AIFM1: variants seen among roughly 807,000 people sequenced by gnomAD.
AIFM1 encodes apoptosis-inducing factor 1, mitochondrial.
A neutral mutation model predicts 51.7 loss-of-function variants in AIFM1; 3 were observed. The observed-to-expected ratio is 0.06, with a 90% CI of 0.03 to 0.15. The LOEUF (loss-of-function observed/expected upper bound fraction) is 0.15. AIFM1 is among the 10% of genes least tolerant of loss of function. AIFM1 has a pLI of 1.00. For missense variants in AIFM1, 330 were observed against 476.8 expected (o/e 0.69, Z 2.87); for synonymous variants, 178 against 179.4 (o/e 0.99, Z 0.06).
chrX:130,132,767 G>A (rs1285716553), intron 13 of AIFM1, among the ~76,000 whole-genome samples: 2 of 82,011 alleles, frequency 2.4e-5, no homozygotes, highest in Non-Finnish European at 4.4e-5. Flanking sequence ...TTTTTTTTGA[G>A]ACGGAGTCTC....
intron 6 of AIFM1, among the ~76,000 whole-genome samples, chrX:130,144,657 C>G (rs1173607005): frequency 8.9e-6 from 1 of 111,753 alleles, no homozygotes; most frequent in Non-Finnish European, 1.9e-5. Context: ...CTCTACTGGG[C>G]ACCCTTCCCA....
chrX:130,151,098 A>C (rs764198997), intron 2 of AIFM1, among the ~76,000 whole-genome samples: 12 of 109,581 alleles, frequency 1.1e-4, no homozygotes, highest in Admixed American at 8.7e-4. Context: ...GATTAATTGT[A>C]GGAGAAAGTA....
At chrX:130,138,062 C>CAA (rs752207106) in intron 9 of AIFM1, 14 of 39,929 alleles carry the variant, frequency 3.5e-4, no homozygotes, top group Non-Finnish European at 6.2e-4. Context: ...AACTCCATCT[C>CAA]AAAAAAAAAA....
rs724160023 is a variant in AIFM1, at chrX:130,131,756, C to T, written c.1492G>A (p.Val498Met). Residue 498 changes from valine (V) to methionine (M), a missense_variant, in exon 14 of 16, where the codon GTG becomes ATG. This residue lies in a region of AIFM1 where 152 missense variants were observed against 292.8 expected (regional missense o/e 0.52). Coordinates refer to ENST00000287295, the MANE Select transcript of AIFM1 (RefSeq NM_004208.4). The stretch of plus-strand genomic sequence containing the variant: ...CCAACTGTGGGCAAACTACTGTCCA[C>T]AAGACCAATAGCTTCATAGCCAACA... ...PDVGYEAIGL[V>M]DSSLPTVGVF... 2 of 1,211,903 alleles carry T rather than the reference C, an allele frequency of 1.7e-6. No individual in the cohort carries two copies. The highest frequency in any genetic ancestry group is 1.1e-6 in the Non-Finnish European group (1 of 895,395).
At chrX:130,143,696 C>A (rs866667266) in intron 6 of AIFM1, among the ~76,000 whole-genome samples, 7 of 99,832 alleles carry the variant, frequency 7.0e-5, no homozygotes, top group African/African-American at 3.6e-5. Context: ...ACTAAAAAGA[C>A]AAAAAAAAAA....
chrX:130,130,172 GCCAGC>G lies in AIFM1; in HGVS notation c.1574-11_1574-7del. 1 of 1,211,214 alleles carries G rather than the reference GCCAGC, an allele frequency of 8.3e-7. No individual in the cohort carries two copies. The highest frequency in any genetic ancestry group is 1.1e-6 in the Non-Finnish European group (1 of 895,053). ...CTCTGATCGGATACCAGTTCCTGTGGCCAGCCCCCAAAACAAATAAACATGGAAGC... is the reference window on the plus strand; with the variant it reads ...CTCTGATCGGATACCAGTTCCTGTGGCCCCAAAACAAATAAACATGGAAGC... On this transcript the variant is annotated splice_region_variant and splice_polypyrimidine_tract_variant and intron_variant, in intron 14 of 15. Transcript: ENST00000287295.
intron 1 of AIFM1, 88 bp from the exon 2 acceptor site, chrX:130,156,691 G>A: frequency 1.0e-6 from 1 of 996,335 alleles, no homozygotes; most frequent in South Asian, 1.9e-5. Flanking sequence ...CACTGTACAA[G>A]ACTTATTGCC....
At chrX:130,139,084 G>A (rs1052743208) in intron 8 of AIFM1, among the ~76,000 whole-genome samples, 16 of 110,695 alleles carry the variant, frequency 1.4e-4, no homozygotes, top group African/African-American at 5.3e-4. Context: ...CAATACTGCA[G>A]AGGCTGACAA....
intron 2 of AIFM1, among the ~76,000 whole-genome samples, chrX:130,151,992 T>C (rs1003394180): frequency 9.1e-6 from 1 of 109,823 alleles, no homozygotes; most frequent in Non-Finnish European, 1.9e-5. Flanking sequence ...TGAGCCGAGA[T>C]TGCACCACTG....
At chrX:130,159,209 A>C (rs920244258) in intron 1 of AIFM1, among the ~76,000 whole-genome samples, 4 of 111,695 alleles carry the variant, frequency 3.6e-5, no homozygotes, top group African/African-American at 1.3e-4. Flanking sequence ...TGAAAACTTG[A>C]TAGTCTTAAA....
intron 1 of AIFM1, among the ~76,000 whole-genome samples, chrX:130,158,640 GGAA>G (rs751487250): frequency 2.0e-5 from 2 of 102,256 alleles, no homozygotes; most frequent in Admixed American, 1.1e-4. Flanking sequence ...GAGCCACATG[GGAA>G]GAAGAAGAAT....
rs2124643429 is a variant in AIFM1 at position 130,129,551 on chromosome X, G to C, written c.*6C>G. On this transcript the variant is annotated 3_prime_UTR_variant, in exon 16 of 16. Transcript: ENST00000287295. ...GCAGTGGGTTTGCCAATTCCACTGT[G>C]GGGCTTCAGTCTTCATGAATGTTGA... 8.3e-7 allele frequency: 1 copy of C among 1,207,281 alleles called. No homozygotes were observed. Among genetic ancestry groups the C allele is most frequent in the African/African-American group, 1.8e-5 (1 of 57,105 alleles).
rs143670174 is a variant in AIFM1, at chrX:130,147,501, T to C, written c.597A>G (p.Lys199=). 8.3e-5 allele frequency: 101 copies of C among 1,210,423 alleles called. No homozygotes were observed. In the East Asian group the frequency reaches 2.7e-3, roughly 33 times the overall value. The stretch of plus-strand genomic sequence containing the variant: ...TACATAAGCAAACACACCTTCTCTC[T>C]TTTCCATTCCACTGTTTGAATCGCA... ...KTLRFKQWNG[K]ERSIYFQPPS... The change falls in exon 5 of 16, where the codon AAA becomes AAG. Residue 199 remains lysine, a synonymous_variant. Coordinates refer to ENST00000287295, the MANE Select transcript of AIFM1 (RefSeq NM_004208.4).
At chrX:130,159,884 A>C (rs748823046) in intron 1 of AIFM1, among the ~76,000 whole-genome samples, 1 of 108,918 alleles carries the variant, frequency 9.2e-6, no homozygotes, top group South Asian at 4.0e-4. Flanking sequence ...GCAGTGGCAC[A>C]ATCTCGGCTC....
intron 14 of AIFM1, among the ~76,000 whole-genome samples, chrX:130,131,121 G>A (rs1304890725): frequency 9.0e-6 from 1 of 111,486 alleles, no homozygotes; most frequent in Non-Finnish European, 1.9e-5. Context: ...GTGTGGGAGA[G>A]AAGTCCATTC....
intron 2 of AIFM1, 68 bp from the exon 3 acceptor site, chrX:130,149,636 C>T (rs2030887892): frequency 3.8e-6 from 3 of 785,955 alleles, no homozygotes; most frequent in South Asian, 4.2e-5. Flanking sequence ...GTAATATTAT[C>T]TTTCAATTAA....
chrX:130,133,660 A>C (rs2030201625), intron 12 of AIFM1, among the ~76,000 whole-genome samples: 1 of 108,593 alleles, frequency 9.2e-6, no homozygotes, highest in African/African-American at 3.4e-5. Flanking sequence ...ACAGGGTCTC[A>C]CTCTATTGCC....
rs142863887 is a variant in AIFM1, at chrX:130,156,038, G to C, written c.249+423C>G. 8.3e-3 allele frequency among the ~76,000 whole-genome samples: 925 copies of C among 111,523 alleles called. 9 individuals are homozygous for C. The highest frequency in any genetic ancestry group is 0.025 in the South Asian group (67 of 2,682). On this transcript the variant is annotated intron_variant, in intron 2 of 15. Coordinates refer to ENST00000287295, the MANE Select transcript of AIFM1 (RefSeq NM_004208.4). Reference sequence around the variant, plus strand: ...TTAATATTTTTGATTGAAGGCTGTTGTTTTTTTAATGTGAACCTCAAGCTG... The same window carrying C: ...TTAATATTTTTGATTGAAGGCTGTTCTTTTTTTAATGTGAACCTCAAGCTG...
At chrX:130,150,937 C>T (rs1192755336) in intron 2 of AIFM1, among the ~76,000 whole-genome samples, 1 of 82,419 alleles carries the variant, frequency 1.2e-5, no homozygotes, top group Non-Finnish European at 2.2e-5. Context: ...GAGATCACAT[C>T]ACTGCACTCC....
Sources: gnomAD v4.1 joint callset for allele counts (sites outside exome capture counted in the v4.1 genomes callset) on GRCh38, gnomAD v4.1.1 for gene constraint, gnomAD v4.1.1 regional missense constraint, MANE v1.5 for transcripts, NCBI Gene and HGNC (gene_info 2026-07-23, HGNC 2026-07-21) for gene names.